TMCC1: variants seen among roughly 807,000 people sequenced by gnomAD.
The protein encoded by TMCC1 is transmembrane and coiled-coil domain family 1, also known as transmembrane and coiled-coil domains protein 1.
TMCC1 carries 15 observed loss-of-function variants against 52.4 expected under a neutral mutation model. That is an observed-to-expected ratio of 0.29 (90% CI 0.19 to 0.44). TMCC1 has a LOEUF of 0.44. Among genes scored for constraint, TMCC1 ranks in the 20% least tolerant of loss-of-function variants. TMCC1 has a pLI of 1.00. For synonymous variants in TMCC1, 279 were observed against 301.9 expected (o/e 0.92, Z 0.79); for missense variants, 503 against 806.0 (o/e 0.62, Z 4.55).
intron 4 of TMCC1, among the ~76,000 whole-genome samples, chr3:129,793,302 C>T (rs939390104): frequency 6.6e-6 from 1 of 152,134 alleles, no homozygotes; most frequent in Non-Finnish European, 1.5e-5. Context: ...GGGATGGAAG[C>T]AAGCACTTTG....
At chr3:129,727,729 G>A (rs2050216253) in intron 4 of TMCC1, among the ~76,000 whole-genome samples, 1 of 152,174 alleles carries the variant, frequency 6.6e-6, no homozygotes, top group Non-Finnish European at 1.5e-5. Context: ...ACAGTAATTT[G>A]GAGGTCCCTA....
At chr3:129,750,555 C>G (rs9798966) in intron 4 of TMCC1, among the ~76,000 whole-genome samples, 1 of 148,442 alleles carries the variant, frequency 6.7e-6, no homozygotes, top group Non-Finnish European at 1.5e-5. Flanking sequence ...GGCTATCCTA[C>G]GGAAATAGAT....
At chr3:129,794,425 G>C in intron 4 of TMCC1, 1 of 454,960 alleles carries the variant, frequency 2.2e-6, no homozygotes. Flanking sequence ...ACAGCTTCTT[G>C]GGAAAGTCGG....
At chr3:129,824,076 C>T (rs1224137435) in intron 4 of TMCC1, among the ~76,000 whole-genome samples, 1 of 152,198 alleles carries the variant, frequency 6.6e-6, no homozygotes, top group African/African-American at 2.4e-5. Flanking sequence ...TGGCTCATGC[C>T]TGTAATCCCA....
At chr3:129,709,184 C>T (rs949892784) in intron 4 of TMCC1, among the ~76,000 whole-genome samples, 3 of 151,986 alleles carry the variant, frequency 2.0e-5, no homozygotes, top group African/African-American at 4.8e-5. Flanking sequence ...TTTAGATTGT[C>T]CGGTGTAGTG....
chr3:129,700,011 TCTC>T (rs2047700779), intron 4 of TMCC1, among the ~76,000 whole-genome samples: 1 of 152,186 alleles, frequency 6.6e-6, no homozygotes, highest in African/African-American at 2.4e-5. Context: ...TTTTCACACT[TCTC>T]ATCATTGATG....
chr3:129,838,258 C>T (rs2059255299), intron 2 of TMCC1, among the ~76,000 whole-genome samples: 1 of 151,692 alleles, frequency 6.6e-6, no homozygotes. Flanking sequence ...ACAAAAAAAT[C>T]AGCCGGGAAT....
chr3:129,857,818 C>T (rs757059623), intron 2 of TMCC1, among the ~76,000 whole-genome samples: 10 of 152,222 alleles, frequency 6.6e-5, no homozygotes, highest in Non-Finnish European at 1.0e-4. Context: ...CCGCCTCAGC[C>T]TCCCAAAGTG....
At chr3:129,723,115 T>C (rs1453219480) in intron 4 of TMCC1, among the ~76,000 whole-genome samples, 1 of 152,142 alleles carries the variant, frequency 6.6e-6, no homozygotes, top group African/African-American at 2.4e-5. Flanking sequence ...CTAAAAAAAA[T>C]GGTAAAATCA....
intron 4 of TMCC1, among the ~76,000 whole-genome samples, chr3:129,768,239 G>C (rs1170534433): frequency 6.6e-6 from 1 of 152,020 alleles, no homozygotes; most frequent in South Asian, 2.1e-4. Context: ...GTTTGCTTTC[G>C]GTATGTTATA....
intron 4 of TMCC1, among the ~76,000 whole-genome samples, chr3:129,708,921 G>A (rs766175155): frequency 7.2e-5 from 11 of 151,954 alleles, no homozygotes; most frequent in Non-Finnish European, 1.3e-4. Context: ...GTTTAATCTC[G>A]GATAATTTAA....
intron 2 of TMCC1, among the ~76,000 whole-genome samples, chr3:129,855,443 C>CA (rs1441151426): frequency 6.7e-6 from 1 of 150,278 alleles, no homozygotes; most frequent in Non-Finnish European, 1.5e-5. Flanking sequence ...AAAACTCTAC[C>CA]AAAAAATAAC....
chr3:129,779,586 T>C (rs900174081), intron 4 of TMCC1, among the ~76,000 whole-genome samples: 1 of 152,218 alleles, frequency 6.6e-6, no homozygotes, highest in African/African-American at 2.4e-5. Flanking sequence ...AAAAACATAC[T>C]GAGAGTCTTT....
intron 6 of TMCC1, among the ~76,000 whole-genome samples, chr3:129,654,644 A>G (rs2086557651): frequency 2.6e-5 from 4 of 152,304 alleles, no homozygotes; most frequent in Non-Finnish European, 5.9e-5. Context: ...CAGAAGGAGA[A>G]GACAAGGACA....
intron 1 of TMCC1, among the ~76,000 whole-genome samples, chr3:129,889,824 T>C (rs1162388243): frequency 6.6e-6 from 1 of 151,136 alleles, no homozygotes; most frequent in Non-Finnish European, 1.5e-5. Context: ...AAAACTATAT[T>C]AAGAATATAA....
chr3:129,671,070 G>A lies in TMCC1; in HGVS notation c.771C>T (p.Asp257=). 6.2e-7 allele frequency: 1 copy of A among 1,614,190 alleles called. No individual in the cohort carries two copies. The highest frequency in any genetic ancestry group is 8.5e-7 in the Non-Finnish European group (1 of 1,180,026). The change falls in exon 5 of 7, where the codon GAC becomes GAT. Residue 257 remains aspartate, a synonymous_variant. Transcript: ENST00000393238. The stretch of plus-strand genomic sequence containing the variant: ...CAAGCTTCAAGTATTCAGCAACGTT[G>A]TCGTCCCGGGCTGTTTGTGCAATCT... ...QIKIAQTARD[D]NVAEYLKLAN...
At chr3:129,656,353 A>G (rs1316261952) in intron 5 of TMCC1, among the ~76,000 whole-genome samples, 1 of 152,250 alleles carries the variant, frequency 6.6e-6, no homozygotes, top group African/African-American at 2.4e-5. Flanking sequence ...ACTATCACTC[A>G]GGTAGCATAC....
chr3:129,780,271 C>T (rs1411241714), intron 4 of TMCC1, among the ~76,000 whole-genome samples: 2 of 152,108 alleles, frequency 1.3e-5, no homozygotes, highest in Non-Finnish European at 2.9e-5. Flanking sequence ...CATACCATTT[C>T]ACATCTTTGC....
At chr3:129,889,408 G>A (rs2061861759) in intron 1 of TMCC1, among the ~76,000 whole-genome samples, 1 of 152,204 alleles carries the variant, frequency 6.6e-6, no homozygotes, top group African/African-American at 2.4e-5. Flanking sequence ...TGGTATTGTG[G>A]ATGGGATCCT....
Sources: gnomAD v4.1 joint callset for allele counts (sites outside exome capture counted in the v4.1 genomes callset) on GRCh38, gnomAD v4.1.1 for gene constraint, MANE v1.5 for transcripts, NCBI Gene and HGNC (gene_info 2026-07-23, HGNC 2026-07-21) for gene names.